Variants in CRISPLD2 observed in about 807,000 individuals in gnomAD.
The protein encoded by CRISPLD2 is cysteine rich secretory protein LCCL domain containing 2, also known as cysteine-rich secretory protein LCCL domain-containing 2.
In CRISPLD2, 47 loss-of-function variants were observed where a neutral mutation model predicts 71.1. The observed-to-expected ratio is 0.66, with a 90% CI of 0.52 to 0.84. The LOEUF is 0.84. Among genes scored for constraint, CRISPLD2 ranks in the 40% least tolerant of loss-of-function variants. CRISPLD2 has a pLI of 0.00. For synonymous variants in CRISPLD2, 317 were observed against 250.1 expected (o/e 1.27, Z -2.52); for missense variants, 830 against 651.1 (o/e 1.27, Z -2.99).
Position 84,889,305 on chromosome 16 carries a change from C to G in CRISPLD2, c.1381C>G (p.Pro461Ala), listed in dbSNP as rs949836598. The stretch of plus-strand genomic sequence containing the variant: ...GAGTGGGGGTGACGTGGACGTGATG[C>G]CCGTGGATAAAAAGAAGACCTACGT... ...NESGGDVDVM[P>A]VDKKKTYVGS... Residue 461 changes from proline to alanine, a missense_variant, in exon 14 of 15, where the codon CCC becomes GCC. Pro to Ala is a conservative substitution (Grantham distance 27). Transcript: ENST00000262424. The G allele has an allele frequency of 1.9e-6, 3 of 1,613,924 alleles. No homozygotes were observed. The highest frequency in any genetic ancestry group is 2.5e-6 in the Non-Finnish European group (3 of 1,179,986).
intron 4 of CRISPLD2, 102 bp downstream of exon 4, chr16:84,849,619 T>C (rs1917025010): frequency 3.9e-6 from 5 of 1,286,320 alleles, no homozygotes; most frequent in Non-Finnish European, 5.5e-6. Flanking sequence ...TCTGCGCTGT[T>C]GTTGCCTTCA....
chr16:84,867,949 C>T (rs936630509), intron 7 of CRISPLD2, among the ~76,000 whole-genome samples: 11 of 152,206 alleles, frequency 7.2e-5, no homozygotes, highest in Admixed American at 3.3e-4. Context: ...CATTTGCAGC[C>T]GCCGTTTCTG....
intron 1 of CRISPLD2, among the ~76,000 whole-genome samples, chr16:84,834,940 C>T (rs1224968279): frequency 6.6e-6 from 1 of 152,256 alleles, no homozygotes; most frequent in Non-Finnish European, 1.5e-5. Context: ...AAATACATTG[C>T]ATTTGGAGGT....
Position 84,838,603 on chromosome 16 carries a change from C to T in CRISPLD2, c.108C>T (p.Ser36=). ...TCACTCTCTTAGAGGAGCTGCTCAG[C>T]AAATACCAGCACAACGAGTCTCACT... ...PNVTLLEELL[S]KYQHNESHSR... The change falls in exon 2 of 15, where the codon AGC becomes AGT. Residue 36 remains serine (S), a synonymous_variant. Coordinates refer to ENST00000262424, the MANE Select transcript of CRISPLD2 (RefSeq NM_031476.4). 1.2e-6 allele frequency: 2 copies of T among 1,614,240 alleles called. No individual in the cohort carries two copies. The highest frequency in any genetic ancestry group is 1.7e-6 in the Non-Finnish European group (2 of 1,180,046).
At chr16:84,870,778 G>GCTTTTCACCATTATAAA (rs1228517251) in intron 8 of CRISPLD2, among the ~76,000 whole-genome samples, 1 of 152,072 alleles carries the variant, frequency 6.6e-6, no homozygotes, top group African/African-American at 2.4e-5. Context: ...AACAGTTGCG[G>GCTTTTCACCATTATAAA]CCAGGTACGG....
chr16:84,895,768 G>A (rs2071700358), intron 14 of CRISPLD2, among the ~76,000 whole-genome samples: 1 of 152,146 alleles, frequency 6.6e-6, no homozygotes, highest in African/African-American at 2.4e-5. Flanking sequence ...CAGGGGCGAT[G>A]GCATTTGTAG....
rs926359938 is a variant in CRISPLD2, at chr16:84,829,080, GA to G, written c.-75+8958del. 4.9e-3 allele frequency: 705 copies of G among 144,706 alleles called. 4 individuals are homozygous for G. The highest frequency in any genetic ancestry group is 0.016 in the African/African-American group (624 of 39,536). The allele number at this position is 144,706 out of a possible 1,614,324, so 9.0% of individuals were successfully genotyped here. A position where few individuals can be genotyped will look rare whatever the true frequency, so the allele number is the denominator to read the frequency against. On this transcript the variant is annotated intron_variant, in intron 1 of 14. Transcript: ENST00000262424. ...CAGAACAAGACTCCGTCTCAAAAAG[GA>G]AAAAAAAAAAGAATATTATCTTTTG...
intron 1 of CRISPLD2, among the ~76,000 whole-genome samples, chr16:84,828,593 AACAACC>A (rs1205837943): frequency 1.3e-5 from 2 of 152,160 alleles, no homozygotes; most frequent in African/African-American, 4.8e-5. Context: ...TTTCCAGGGA[AACAACC>A]ACACGTCTTC....
chr16:84,899,049 C>T (rs1436183378), intron 14 of CRISPLD2, among the ~76,000 whole-genome samples: 1 of 152,150 alleles, frequency 6.6e-6, no homozygotes, highest in African/African-American at 2.4e-5. Context: ...TGCACCACCA[C>T]ATCTGGCTAA....
intron 1 of CRISPLD2, among the ~76,000 whole-genome samples, chr16:84,837,030 A>G (rs1328120770): frequency 1.3e-5 from 2 of 152,210 alleles, no homozygotes; most frequent in African/African-American, 4.8e-5. Context: ...GGCCAGGGAC[A>G]GAGTCCTCTT....
At chr16:84,888,871 G>C (rs1244321548) in intron 13 of CRISPLD2, among the ~76,000 whole-genome samples, 1 of 152,124 alleles carries the variant, frequency 6.6e-6, no homozygotes, top group African/African-American at 2.4e-5. Flanking sequence ...TTGTGAACTG[G>C]TTTTGTTTTC....
At chr16:84,862,543 T>C (rs1256661736) in intron 6 of CRISPLD2, among the ~76,000 whole-genome samples, 1 of 152,100 alleles carries the variant, frequency 6.6e-6, no homozygotes, top group Non-Finnish European at 1.5e-5. Flanking sequence ...TCTGCTACTA[T>C]AAATAACACA....
chr16:84,887,206 G>A (rs1462912687), intron 13 of CRISPLD2, among the ~76,000 whole-genome samples: 1 of 152,142 alleles, frequency 6.6e-6, no homozygotes, highest in Non-Finnish European at 1.5e-5. Flanking sequence ...GCCCAGCCCC[G>A]CCCTCCTGCT....
chr16:84,891,761 C>T (rs2071664818), intron 14 of CRISPLD2, among the ~76,000 whole-genome samples: 2 of 152,154 alleles, frequency 1.3e-5, no homozygotes, highest in Non-Finnish European at 2.9e-5. Flanking sequence ...TTGGTAGGCC[C>T]CTGGGGAGGG....
At chr16:84,822,718 C>T (rs1916258730) in intron 1 of CRISPLD2, among the ~76,000 whole-genome samples, 1 of 152,066 alleles carries the variant, frequency 6.6e-6, no homozygotes, top group Non-Finnish European at 1.5e-5. Flanking sequence ...TCAGACCTTC[C>T]AGGGACAGGG....
chr16:84,844,579 T>A (rs918482063), intron 2 of CRISPLD2, among the ~76,000 whole-genome samples: 1 of 151,558 alleles, frequency 6.6e-6, no homozygotes, highest in African/African-American at 2.4e-5. Context: ...GGCAGGCGGG[T>A]CTCCAACTCC....
chr16:84,854,142 G>A (rs969564493), intron 5 of CRISPLD2, among the ~76,000 whole-genome samples: 2 of 152,300 alleles, frequency 1.3e-5, no homozygotes, highest in East Asian at 3.9e-4. Context: ...TCCCAGCCCC[G>A]CCACTTGCTT....
intron 14 of CRISPLD2, among the ~76,000 whole-genome samples, chr16:84,901,125 A>G (rs2071750343): frequency 6.6e-6 from 1 of 152,186 alleles, no homozygotes. Context: ...ACAATGGAAT[A>G]CTATGCAGTG....
intron 1 of CRISPLD2, among the ~76,000 whole-genome samples, chr16:84,831,057 C>G (rs551661954): frequency 5.3e-5 from 8 of 152,116 alleles, no homozygotes; most frequent in East Asian, 1.9e-4. Context: ...TTGAGAAGCT[C>G]GGGGTCCAGG....
Sources: allele counts gnomAD v4.1 joint callset (sites outside exome capture counted in the v4.1 genomes callset), GRCh38; gene constraint gnomAD v4.1.1; transcripts MANE v1.5; gene names NCBI Gene and HGNC (gene_info 2026-07-23, HGNC 2026-07-21).